The following SLC25A23 variants were observed in gnomAD, a reference collection of about 807,000 sequenced individuals.
SLC25A23 encodes the protein mitochondrial adenyl nucleotide antiporter SLC25A23.
SLC25A23 carries 32 observed loss-of-function variants against 53.9 expected under a neutral mutation model. The ratio of observed to expected loss-of-function variants is 0.59; its 90% confidence interval spans 0.45 to 0.80. The LOEUF is 0.80. Ranked by LOEUF, SLC25A23 falls within the 30% of genes least tolerant of loss-of-function variation. SLC25A23 has a pLI of 0.00. For synonymous variants in SLC25A23, 275 were observed against 264.5 expected, an observed-to-expected ratio of 1.04 and a Z score of -0.38; for missense variants, 575 against 651.4, an observed-to-expected ratio of 0.88 and a Z score of 1.28.
intron 4 of SLC25A23, chr19:6,455,955 G>A (rs979883506): frequency 1.2e-5 from 14 of 1,182,244 alleles, no homozygotes; most frequent in Non-Finnish European, 1.5e-5. Context: ...GCCTGACCTC[G>A]TGATCCGCCC....
rs560581258 is a variant in SLC25A23 at position 6,454,830 on chromosome 19, A to G, written c.484-113T>C. ...TCCTAGGATACCCTAGAGTCTGCCA[A>G]TGACTCTTGCTTGGAGACCCCAGAA... is the stretch of plus-strand genomic sequence containing the variant. On this transcript the variant is annotated intron_variant, in intron 4 of 9. Coordinates refer to ENST00000301454, the MANE Select transcript of SLC25A23 (RefSeq NM_024103.3). This position sits in a 1 kb window ranked among gnomAD's most constrained non-coding sequence, Gnocchi z 4.3. 2.1e-5 allele frequency: 27 copies of G among 1,304,454 alleles called. No homozygotes were observed. The South Asian group carries it at 3.2e-4, about 16-fold the overall frequency. The allele number at this position is 1,304,454 out of a possible 1,614,324, so 80.8% of individuals were successfully genotyped here.
In SLC25A23 at chr19:6,456,483, G is replaced by A. The variant is rs1425694837; in HGVS notation, c.420C>T (p.Asp140=). Residue 140 remains aspartate, a synonymous_variant, in exon 4 of 10, where the codon GAC becomes GAT. Transcript: ENST00000301454. ...TMTIDWQEWR[D]HFLLHSLENV... Reference sequence around the variant, plus strand: ...TTTCCAGCGAATGCAACAGGAAGTGGTCGCGCCATTCTTGCCAGTCAATGG... The same window carrying A: ...TTTCCAGCGAATGCAACAGGAAGTGATCGCGCCATTCTTGCCAGTCAATGG... 6.2e-7 allele frequency: 1 copy of A among 1,613,844 alleles called. No individual in the cohort carries two copies. The highest frequency in any genetic ancestry group is 1.3e-5 in the African/African-American group (1 of 74,946).
chr19:6,450,938 C>T (rs1039066811), intron 8 of SLC25A23, among the ~76,000 whole-genome samples: 3 of 151,254 alleles, frequency 2.0e-5, no homozygotes, highest in African/African-American at 4.9e-5. Context: ...ATTAGCCAGG[C>T]GTGGTGGCAG....
chr19:6,454,833 A>G lies in SLC25A23; in HGVS notation c.484-116T>C, dbSNP rs529656516. On this transcript the variant is annotated intron_variant, in intron 4 of 9. Transcript: ENST00000301454. This position sits in a 1 kb window ranked among gnomAD's most constrained non-coding sequence, Gnocchi z 4.3. ...TAGGATACCCTAGAGTCTGCCAATG[A>G]CTCTTGCTTGGAGACCCCAGAAGAG... 1 of 1,300,850 alleles carries G rather than the reference A, an allele frequency of 7.7e-7. No individual in the cohort carries two copies. The highest frequency in any genetic ancestry group is 2.4e-5 in the Admixed American group (1 of 41,966). 80.6% of individuals were successfully genotyped at this position (1,300,850 alleles called of 1,614,324 possible).
chr19:6,443,128 A>G (rs7251591), intron 9 of SLC25A23, among the ~76,000 whole-genome samples: 10,387 of 147,392 alleles, frequency 0.07, 524 homozygotes, highest in African/African-American at 0.15. Flanking sequence ...CAGTAGAGAC[A>G]GGATTTAGCC....
At chr19:6,453,947 C>A (rs759226925) in intron 7 of SLC25A23, 34 bp downstream of exon 7, 4 of 1,553,656 alleles carry the variant, frequency 2.6e-6, no homozygotes, top group South Asian at 1.1e-5. Flanking sequence ...CCCCACCCTG[C>A]CATGGGGCCT....
rs1212897227 is a variant in SLC25A23, at chr19:6,455,717, T to G, written c.483+703A>C. Among the ~76,000 whole-genome samples, 6 of 37,178 alleles carry G rather than the reference T, an allele frequency of 1.6e-4. No homozygotes were observed. The East Asian group carries it at 1.8e-3, about 11-fold the overall frequency. The allele number at this position is 37,178 out of a possible 152,430, so 24.4% of individuals were successfully genotyped here. ...TCCTCTGAAGACCGTGTTTTTTTTT[T>G]TTTTTTTTTTTTTTTTTTGAGACGG... On this transcript the variant is annotated intron_variant, in intron 4 of 9. Coordinates refer to ENST00000301454, the MANE Select transcript of SLC25A23 (RefSeq NM_024103.3).
At position 6,454,484 on chromosome 19, in the gene SLC25A23, G is replaced by C; in HGVS notation, c.643-9C>G. Reference sequence around the variant, plus strand: ...GTCTTTGAGGCATGGACCTGAATGGGGAGACAACAGCTTGGAGGTCCCCTC... The same window carrying C: ...GTCTTTGAGGCATGGACCTGAATGGCGAGACAACAGCTTGGAGGTCCCCTC... On this transcript the variant is annotated splice_polypyrimidine_tract_variant and intron_variant, in intron 5 of 9. Transcript: ENST00000301454. This position sits in a 1 kb window ranked among gnomAD's most constrained non-coding sequence, Gnocchi z 4.3. 4 of 1,613,928 alleles carry C rather than the reference G, an allele frequency of 2.5e-6. No individual in the cohort carries two copies. The highest frequency in any genetic ancestry group is 3.4e-6 in the Non-Finnish European group (4 of 1,179,964).
intron 7 of SLC25A23, among the ~76,000 whole-genome samples, chr19:6,453,746 TCC>T (rs1257199390): frequency 2.6e-5 from 4 of 152,156 alleles, no homozygotes; most frequent in African/African-American, 9.7e-5. Context: ...AACAGCTGGC[TCC>T]TATGACTACC....
rs1290510065 is a variant in SLC25A23 at position 6,440,250 on chromosome 19, C to T, written c.*1725G>A. Reference sequence around the variant, plus strand: ...CTCCAGATGATCCTAAGCTCAGAATCCAACTATGAAGTGCAGAATGTAAGG... The same window carrying T: ...CTCCAGATGATCCTAAGCTCAGAATTCAACTATGAAGTGCAGAATGTAAGG... On this transcript the variant is annotated 3_prime_UTR_variant, in exon 10 of 10. Transcript: ENST00000301454. 1.3e-5 allele frequency: 2 copies of T among 152,470 alleles called. No homozygotes were observed. The highest frequency in any genetic ancestry group is 3.2e-3 in the Middle Eastern group (1 of 316). 9.4% of individuals were successfully genotyped at this position (152,470 alleles called of 1,614,324 possible). A position where few individuals can be genotyped will look rare whatever the true frequency, so the allele number is the denominator to read the frequency against.
At chr19:6,443,412 A>G in intron 9 of SLC25A23, 2 of 505,322 alleles carry the variant, frequency 4.0e-6, no homozygotes, top group South Asian at 2.5e-5. Flanking sequence ...TTTTTAAAAA[A>G]AGATGGGGTC....
downstream of SLC25A23, chr19:6,438,596 C>T (rs561683426): frequency 1.3e-5 from 2 of 154,664 alleles, no homozygotes; most frequent in African/African-American, 4.8e-5. Flanking sequence ...CACCTGTAAT[C>T]CCAGCACTTT....
intron 8 of SLC25A23, among the ~76,000 whole-genome samples, chr19:6,448,617 C>G (rs897780330): frequency 1.3e-5 from 2 of 150,922 alleles, no homozygotes; most frequent in Admixed American, 1.3e-4. Flanking sequence ...ATTACAGGTG[C>G]CCACCACCAC....
downstream of SLC25A23, among the ~76,000 whole-genome samples, chr19:6,439,434 C>CACACAG (rs1397312264): frequency 6.6e-6 from 1 of 151,232 alleles, no homozygotes; most frequent in African/African-American, 2.4e-5. Context: ...CACACACACA[C>CACACAG]AGACACACAA....
intron 9 of SLC25A23, chr19:6,443,765 C>T: frequency 1.7e-6 from 1 of 576,174 alleles, no homozygotes. Flanking sequence ...GGAAATAATT[C>T]ATAAAAGAAA....
chr19:6,445,128 A>G (rs2144832194), intron 8 of SLC25A23, among the ~76,000 whole-genome samples: 1 of 145,896 alleles, frequency 6.9e-6, no homozygotes, highest in South Asian at 2.2e-4. Flanking sequence ...TTTTTTTCAG[A>G]GACGGAGTTT....
At chr19:6,447,119 G>A (rs770511530) in intron 8 of SLC25A23, among the ~76,000 whole-genome samples, 3 of 152,154 alleles carry the variant, frequency 2.0e-5, no homozygotes, top group Non-Finnish European at 2.9e-5. Flanking sequence ...GGAACTGTGA[G>A]ACAATAACTT....
chr19:6,441,803 G>T lies in SLC25A23; in HGVS notation c.*172C>A. 1.7e-6 allele frequency: 1 copy of T among 586,476 alleles called. No individual in the cohort carries two copies. Among genetic ancestry groups the T allele is most frequent in the Non-Finnish European group, 2.9e-6 (1 of 344,470 alleles). 36.3% of individuals were successfully genotyped at this position (586,476 alleles called of 1,614,324 possible). A position where few individuals can be genotyped will look rare whatever the true frequency, so the allele number is the denominator to read the frequency against. On this transcript the variant is annotated 3_prime_UTR_variant, in exon 10 of 10. Coordinates refer to ENST00000301454, the MANE Select transcript of SLC25A23 (RefSeq NM_024103.3). ...TGGGGCATAGGAGTCTAGGATCCAG[G>T]ATCTGGATGCTGGGATCCCATGACC... is the stretch of plus-strand genomic sequence containing the variant.
rs894216166 is a variant in SLC25A23, at chr19:6,440,618, G to A, written c.*1357C>T. The A allele has an allele frequency of 6.6e-6, 1 of 151,834 alleles. No homozygotes were observed. The highest frequency in any genetic ancestry group is 1.5e-5 in the Non-Finnish European group (1 of 67,952). The allele number at this position is 151,834 out of a possible 1,614,324, so 9.4% of individuals were successfully genotyped here. A position where few individuals can be genotyped will look rare whatever the true frequency, so the allele number is the denominator to read the frequency against. On this transcript the variant is annotated 3_prime_UTR_variant, in exon 10 of 10. Coordinates refer to ENST00000301454, the MANE Select transcript of SLC25A23 (RefSeq NM_024103.3). Reference sequence around the variant, plus strand: ...GGGGATGGAAGATGCTGTGAAGTGTGGGGATGCAGGGAGTGGAGTGGTTCC... The same window carrying A: ...GGGGATGGAAGATGCTGTGAAGTGTAGGGATGCAGGGAGTGGAGTGGTTCC...
Sources: gnomAD v4.1 joint callset for allele counts (sites outside exome capture counted in the v4.1 genomes callset) on GRCh38, gnomAD v4.1.1 for gene constraint, Gnocchi (gnomAD v3.1) non-coding constraint, MANE v1.5 for transcripts, NCBI Gene and HGNC (gene_info 2026-07-23, HGNC 2026-07-21) for gene names.